The following CELF2 variants were observed in gnomAD, a reference collection of about 807,000 sequenced individuals.
The protein encoded by CELF2 is CUG triplet repeat RNA-binding protein 2.
CELF2 carries 8 observed loss-of-function variants against 62.6 expected under a neutral mutation model. That is an observed-to-expected ratio of 0.13 (90% CI 0.07 to 0.23). The LOEUF (loss-of-function observed/expected upper bound fraction) is 0.23, where lower values mean the gene tolerates loss of function less well. Ranked by LOEUF, CELF2 falls within the 10% of genes least tolerant of loss-of-function variation. The probability of loss-of-function intolerance (pLI) is 1.00; values close to 1 mark genes in which losing one functional copy is unlikely to be tolerated. For missense variants in CELF2, 333 were observed against 671.0 expected (o/e 0.50, Z 5.56); for synonymous variants, 258 against 250.0 (o/e 1.03, Z -0.30).
intron 1 of CELF2, among the ~76,000 whole-genome samples, chr10:10,813,880 A>G (rs1025169912): frequency 1.3e-5 from 2 of 152,200 alleles, no homozygotes; most frequent in African/African-American, 4.8e-5. Flanking sequence ...CTGAACTACA[A>G]GAAGCAGCAA....
chr10:10,568,294 G>A, the CELF2 span, among the ~76,000 whole-genome samples: 37 of 151,968 alleles, frequency 2.4e-4, no homozygotes, highest in African/African-American at 8.4e-4. Context: ...GAGAGGAAGG[G>A]GAGGATGAGT....
In CELF2 at chr10:10,938,741, G is replaced by A. The variant is rs2046689693; in HGVS notation, c.89+18742G>A. 6.6e-6 allele frequency among the ~76,000 whole-genome samples: 1 copy of A among 152,120 alleles called. No homozygotes were observed. Among genetic ancestry groups the A allele is most frequent in the Non-Finnish European group, 1.5e-5 (1 of 68,020 alleles). On this transcript the variant is annotated intron_variant, in intron 2 of 13. Transcript: ENST00000636488. The surrounding 1 kb of genome is among the most constrained non-coding windows in gnomAD (Gnocchi z 4.2). ...GAGGGGGATGTGAGACAGGAATGGGGGAGGTCAGCAAAGCCTGAGTGTAGG... is the reference window on the plus strand; with the variant it reads ...GAGGGGGATGTGAGACAGGAATGGGAGAGGTCAGCAAAGCCTGAGTGTAGG...
intron 1 of CELF2, among the ~76,000 whole-genome samples, chr10:10,817,981 G>A (rs765437748): frequency 5.3e-5 from 8 of 152,112 alleles, no homozygotes; most frequent in Non-Finnish European, 1.2e-4. Context: ...AATCTCTGAG[G>A]TAGCCGACCT....
intron 1 of CELF2, among the ~76,000 whole-genome samples, chr10:11,139,393 G>T (rs112588070): frequency 2.6e-3 from 397 of 152,294 alleles, no homozygotes; most frequent in Non-Finnish European, 4.6e-3. Flanking sequence ...AGTGAGGAAA[G>T]AAATTCTGTT....
At chr10:11,139,870 C>G (rs924211914) in intron 1 of CELF2, among the ~76,000 whole-genome samples, 1 of 151,840 alleles carries the variant, frequency 6.6e-6, no homozygotes, top group African/African-American at 2.4e-5. Context: ...GCAAACACCC[C>G]CTCAGGTCAT....
chr10:10,923,270 G>A (rs937924933), intron 2 of CELF2, among the ~76,000 whole-genome samples: 1 of 152,230 alleles, frequency 6.6e-6, no homozygotes, highest in Non-Finnish European at 1.5e-5. Context: ...CTGCCAACTA[G>A]TGATATGTGG....
rs1266143227 is a variant in CELF2, at chr10:11,268,960, A to C, written c.619-1706A>C. 6.6e-6 allele frequency among the ~76,000 whole-genome samples: 1 copy of C among 152,186 alleles called. No individual in the cohort carries two copies. The highest frequency in any genetic ancestry group is 2.4e-5 in the African/African-American group (1 of 41,436). ...CTGCCCTGTGTTTCATGGTTTAAAA[A>C]ATCATTTTTAAGCTATAATCATTGG... On this transcript the variant is annotated intron_variant, in intron 6 of 12. Coordinates refer to ENST00000633077, the MANE Select transcript of CELF2 (RefSeq NM_001326342.2). The surrounding 1 kb of genome is among the most constrained non-coding windows in gnomAD (Gnocchi z 4.7).
the CELF2 span, among the ~76,000 whole-genome samples, chr10:10,473,089 T>C: frequency 2.0e-5 from 3 of 152,120 alleles, no homozygotes; most frequent in Admixed American, 1.3e-4. Context: ...GTTGAAGTCA[T>C]AATTTCCATT....
chr10:10,679,006 C>T, the CELF2 span, among the ~76,000 whole-genome samples: 1 of 152,098 alleles, frequency 6.6e-6, no homozygotes, highest in East Asian at 1.9e-4. Context: ...CTCACATGGC[C>T]AGGGGAATTG....
At chr10:11,000,204 GTTTAT>G (rs143357941) in intron 2 of CELF2, among the ~76,000 whole-genome samples, 4,113 of 152,158 alleles carry the variant, frequency 0.027, 83 homozygotes, top group Middle Eastern at 0.065. Flanking sequence ...ATCCATGATA[GTTTAT>G]TTTAATGGGA....
chr10:11,150,382 G>A (rs372481733), intron 1 of CELF2, among the ~76,000 whole-genome samples: 13 of 152,156 alleles, frequency 8.5e-5, no homozygotes, highest in African/African-American at 2.9e-4. Context: ...AGGAACTTGC[G>A]ATCCACCTTG....
chr10:10,884,244 C>T (rs966302961), intron 1 of CELF2, among the ~76,000 whole-genome samples: 4 of 152,080 alleles, frequency 2.6e-5, no homozygotes, highest in Non-Finnish European at 4.4e-5. Context: ...TGAAGAACAG[C>T]TGTGACTAAA....
chr10:11,058,382 C>T (rs1258054348), intron 1 of CELF2, among the ~76,000 whole-genome samples: 1 of 150,794 alleles, frequency 6.6e-6, no homozygotes, highest in Non-Finnish European at 1.5e-5. Flanking sequence ...TCTTAACTTA[C>T]TGTGTTAAAG....
Position 11,178,867 on chromosome 10 carries a change from G to A in CELF2, c.271+13185G>A, listed in dbSNP as rs79411741. On this transcript the variant is annotated intron_variant, in intron 2 of 12. Coordinates refer to ENST00000633077, the MANE Select transcript of CELF2 (RefSeq NM_001326342.2). This position sits in a 1 kb window ranked among gnomAD's most constrained non-coding sequence, Gnocchi z 4.3. ...GGCTGCCCTAGCAACACAGAATGCT[G>A]TGCTGACACATACTCCATCACATGT... 0.014 allele frequency among the ~76,000 whole-genome samples: 2,171 copies of A among 152,300 alleles called. 56 individuals are homozygous for A. Among genetic ancestry groups the A allele is most frequent in the African/African-American group, 0.049 (2,024 of 41,546 alleles).
intron 1 of CELF2, among the ~76,000 whole-genome samples, chr10:11,116,117 T>C (rs1326495659): frequency 2.0e-5 from 3 of 152,238 alleles, no homozygotes; most frequent in Non-Finnish European, 4.4e-5. Flanking sequence ...ATCCTTTTAA[T>C]TTAATACTCT....
chr10:10,975,749 T>G (rs1013772115), intron 2 of CELF2, among the ~76,000 whole-genome samples: 5 of 152,234 alleles, frequency 3.3e-5, no homozygotes, highest in African/African-American at 9.6e-5. Context: ...GCCCCAAAGC[T>G]GGGCTTAACC....
At chr10:10,495,559 G>A in the CELF2 span, among the ~76,000 whole-genome samples, 1 of 152,152 alleles carries the variant, frequency 6.6e-6, no homozygotes, top group African/African-American at 2.4e-5. Context: ...CTCTCTACCT[G>A]AACAGCCACA....
At chr10:10,904,707 G>C (rs139760443) in intron 1 of CELF2, among the ~76,000 whole-genome samples, 1 of 152,308 alleles carries the variant, frequency 6.6e-6, no homozygotes, top group East Asian at 1.9e-4. Flanking sequence ...TACACTTGGG[G>C]AGGGTTTAAA....
rs150678540 is a variant in CELF2, at chr10:11,020,693, C to T, written c.74+2530C>T. ...GAATATTTTCAATGGCGTTTTCCCA[C>T]GAGAATATATTAGATAAGTTTGCAA... On this transcript the variant is annotated intron_variant, in intron 1 of 12. Coordinates refer to ENST00000633077, the MANE Select transcript of CELF2 (RefSeq NM_001326342.2). 3.9e-4 allele frequency among the ~76,000 whole-genome samples: 59 copies of T among 152,050 alleles called. 1 individual carries two copies. The highest frequency in any genetic ancestry group is 3.0e-3 in the Admixed American group (46 of 15,268).
Sources: gnomAD v4.1 joint callset for allele counts (sites outside exome capture counted in the v4.1 genomes callset) on GRCh38, gnomAD v4.1.1 for gene constraint, Gnocchi (gnomAD v3.1) non-coding constraint, MANE v1.5 for transcripts, NCBI Gene and HGNC (gene_info 2026-07-23, HGNC 2026-07-21) for gene names.